CTNNA3: variants seen among roughly 807,000 people sequenced by gnomAD.
CTNNA3 encodes catenin alpha 3.
In CTNNA3, 76 loss-of-function variants were observed where a neutral mutation model predicts 95.7. The ratio of observed to expected loss-of-function variants is 0.79; its 90% CI spans 0.66 to 0.96. CTNNA3 has a LOEUF of 0.96. Ranked by LOEUF, CTNNA3 falls within the 40% of genes least tolerant of loss-of-function variation. The pLI is 0.00. For missense variants in CTNNA3, 1,191 were observed against 1,089.8 expected, an observed-to-expected ratio of 1.09 and a Z score of -1.31; for synonymous variants, 431 against 374.4, an observed-to-expected ratio of 1.15 and a Z score of -1.74.
At chr10:67,643,466 TTAAAA>T (rs1488352091) in intron 2 of CTNNA3, among the ~76,000 whole-genome samples, 29 of 152,220 alleles carry the variant, frequency 1.9e-4, no homozygotes, top group African/African-American at 5.5e-4. Flanking sequence ...ACTCCTGAAC[TTAAAA>T]TAAAAGTTGA....
At chr10:66,392,649 G>T (rs12415185) in intron 11 of CTNNA3, among the ~76,000 whole-genome samples, 1 of 151,852 alleles carries the variant, frequency 6.6e-6, no homozygotes, top group African/African-American at 2.4e-5. Context: ...GGTCAACATT[G>T]TTTATCATCA....
chr10:67,320,205 T>C (rs909008539), intron 5 of CTNNA3, among the ~76,000 whole-genome samples: 9 of 152,188 alleles, frequency 5.9e-5, no homozygotes, highest in Non-Finnish European at 1.0e-4. Context: ...TGAGCCAAGT[T>C]AATCTAGAGG....
At chr10:66,005,842 C>T (rs2078868468) in intron 15 of CTNNA3, among the ~76,000 whole-genome samples, 1 of 151,904 alleles carries the variant, frequency 6.6e-6, no homozygotes, top group African/African-American at 2.4e-5. Flanking sequence ...TTTCATAAGA[C>T]ATTCAAATAC....
Position 66,328,933 on chromosome 10 carries a change from T to TATATATATATATATATATAC in CTNNA3, c.1733-48313_1733-48312insGTATATATATATATATATAT, listed in dbSNP as rs59003281. Among the ~76,000 whole-genome samples, 150 of 115,332 alleles carry TATATATATATATATATATAC rather than the reference T, an allele frequency of 1.3e-3. 1 individual carries two copies. The Middle Eastern group carries it at 0.015, about 11-fold the overall frequency. 75.7% of individuals were successfully genotyped at this position (115,332 alleles called of 152,430 possible). A position where few individuals can be genotyped will look rare whatever the true frequency, so the allele number is the denominator to read the frequency against. ...ATACATATATATATATATATATATATACACACACACATATAAATATAATTT... is the reference window on the plus strand; with the variant it reads ...ATACATATATATATATATATATATATATATATATATATATATATACACACACACACATATAAATATAATTT... On this transcript the variant is annotated intron_variant, in intron 12 of 17. Coordinates refer to ENST00000433211, the MANE Select transcript of CTNNA3 (RefSeq NM_013266.4).
intron 9 of CTNNA3, among the ~76,000 whole-genome samples, chr10:66,690,784 C>T (rs1004549350): frequency 3.4e-4 from 52 of 152,100 alleles, no homozygotes; most frequent in African/African-American, 1.2e-3. Flanking sequence ...AATAAACATA[C>T]ATGTGCATGT....
intron 7 of CTNNA3, among the ~76,000 whole-genome samples, chr10:67,075,685 A>C (rs1856713199): frequency 6.6e-6 from 1 of 152,232 alleles, no homozygotes; most frequent in African/African-American, 2.4e-5. Flanking sequence ...GTAAGTGCCC[A>C]CTACTATTAA....
intron 11 of CTNNA3, among the ~76,000 whole-genome samples, chr10:66,465,573 A>T (rs1838878238): frequency 6.6e-6 from 1 of 152,096 alleles, no homozygotes; most frequent in Non-Finnish European, 1.5e-5. Context: ...TGCCTCTGCA[A>T]TGCTGAGGCA....
At chr10:67,624,114 G>A (rs543395860) in intron 2 of CTNNA3, among the ~76,000 whole-genome samples, 2 of 152,216 alleles carry the variant, frequency 1.3e-5, no homozygotes, top group African/African-American at 2.4e-5. Flanking sequence ...GAGCCACTGC[G>A]CCCAGCCGAT....
intron 5 of CTNNA3, among the ~76,000 whole-genome samples, chr10:67,419,230 G>T (rs1470914362): frequency 6.6e-6 from 1 of 152,130 alleles, no homozygotes. Flanking sequence ...ATGGAACAAT[G>T]AAGACATTTA....
intron 7 of CTNNA3, among the ~76,000 whole-genome samples, chr10:66,892,094 C>T (rs1845291403): frequency 6.6e-6 from 1 of 151,984 alleles, no homozygotes; most frequent in Non-Finnish European, 1.5e-5. Flanking sequence ...ATTTTAGACA[C>T]TTATTCTGAA....
intron 5 of CTNNA3, among the ~76,000 whole-genome samples, chr10:67,452,251 A>G (rs748273459): frequency 5.8e-4 from 89 of 152,322 alleles, no homozygotes; most frequent in Non-Finnish European, 1.1e-3. Flanking sequence ...AAAAACTAAT[A>G]TTGATATCAA....
intron 2 of CTNNA3, among the ~76,000 whole-genome samples, chr10:67,608,450 T>C (rs1843351233): frequency 6.6e-6 from 1 of 152,176 alleles, no homozygotes; most frequent in African/African-American, 2.4e-5. Context: ...TTATATGAAG[T>C]TTCTGTAATT....
chr10:66,723,520 C>T (rs748369090), intron 9 of CTNNA3, among the ~76,000 whole-genome samples: 1 of 152,198 alleles, frequency 6.6e-6, no homozygotes, highest in African/African-American at 2.4e-5. Flanking sequence ...AATGCCAGTT[C>T]ACTGCACAGC....
At chr10:66,561,939 G>T (rs1008572045) in intron 10 of CTNNA3, among the ~76,000 whole-genome samples, 3 of 151,938 alleles carry the variant, frequency 2.0e-5, no homozygotes, top group African/African-American at 7.3e-5. Flanking sequence ...GTTTGTGAGG[G>T]GGAGATCAAA....
chr10:66,499,806 C>CTTTTTTTT (rs34040723), intron 11 of CTNNA3, among the ~76,000 whole-genome samples: 2 of 140,670 alleles, frequency 1.4e-5, no homozygotes, highest in African/African-American at 5.3e-5. Flanking sequence ...GTTGCATTTC[C>CTTTTTTTT]TTTTTTTTTT....
intron 3 of CTNNA3, among the ~76,000 whole-genome samples, chr10:67,556,945 G>A (rs1397588661): frequency 6.6e-6 from 1 of 152,142 alleles, no homozygotes; most frequent in Non-Finnish European, 1.5e-5. Flanking sequence ...AGAGATTCTG[G>A]TATGCTGTGT....
At chr10:66,774,492 T>C (rs1317122909) in intron 8 of CTNNA3, among the ~76,000 whole-genome samples, 1 of 152,162 alleles carries the variant, frequency 6.6e-6, no homozygotes, top group Non-Finnish European at 1.5e-5. Flanking sequence ...ATTAAGGGCA[T>C]AAAGTTGAGA....
At chr10:66,114,677 G>A (rs919113366) in intron 13 of CTNNA3, among the ~76,000 whole-genome samples, 2 of 151,636 alleles carry the variant, frequency 1.3e-5, no homozygotes, top group African/African-American at 4.8e-5. Context: ...TCAAGAGATC[G>A]AGACCATCCT....
chr10:66,068,232 T>C (rs1346282558), intron 15 of CTNNA3, among the ~76,000 whole-genome samples: 2 of 152,120 alleles, frequency 1.3e-5, no homozygotes, highest in East Asian at 3.9e-4. Flanking sequence ...AATATAACCA[T>C]ATTCTTTGTC....
Sources: gnomAD v4.1 joint callset for allele counts (sites outside exome capture counted in the v4.1 genomes callset) on GRCh38, gnomAD v4.1.1 for gene constraint, MANE v1.5 for transcripts, NCBI Gene and HGNC (gene_info 2026-07-23, HGNC 2026-07-21) for gene names.